Variants in MICU3 observed in about 807,000 individuals in gnomAD.
MICU3 encodes the protein calcium uptake protein 3, mitochondrial.
In MICU3, 62 loss-of-function variants were observed where a neutral mutation model predicts 66.5. That is an observed-to-expected ratio of 0.93 (90% CI 0.76 to 1.15). The LOEUF (loss-of-function observed/expected upper bound fraction) is 1.15, where lower values mean the gene tolerates loss of function less well. Ranked by LOEUF, MICU3 falls within the 50% of genes most tolerant of loss-of-function variation. The pLI is 0.00. For missense variants in MICU3, 779 were observed against 664.4 expected, an observed-to-expected ratio of 1.17 and a Z score of -1.90; for synonymous variants, 308 against 240.7, an observed-to-expected ratio of 1.28 and a Z score of -2.59.
At chr8:17,137,388 T>A in the MICU3 span, among the ~76,000 whole-genome samples, 8 of 151,956 alleles carry the variant, frequency 5.3e-5, no homozygotes, top group South Asian at 2.1e-4. Context: ...ATAATTTTTT[T>A]AAATTTTATT....
At chr8:17,114,006 TAA>T in intron 11 of MICU3, 85 bp from the exon 12 acceptor site, 1 of 768,174 alleles carries the variant, frequency 1.3e-6, no homozygotes, top group Non-Finnish European at 2.1e-6. Context: ...TGCAAATGCT[TAA>T]TCTGTTTTTT....
chr8:17,129,161 G>A, the MICU3 span, among the ~76,000 whole-genome samples: 1 of 152,114 alleles, frequency 6.6e-6, no homozygotes, highest in Non-Finnish European at 1.5e-5. Flanking sequence ...TATCAGTACC[G>A]CAGCTACCTG....
rs777059323 is a variant in MICU3, at chr8:17,086,976, T to C, written c.790T>C (p.Phe264Leu). 6.2e-7 allele frequency: 1 copy of C among 1,602,186 alleles called. No individual in the cohort carries two copies. Among genetic ancestry groups the C allele is most frequent in the South Asian group, 1.1e-5 (1 of 90,722 alleles). The change falls in exon 7 of 15, where the codon TTC becomes CTC. Residue 264 changes from phenylalanine (F) to leucine (L), a missense_variant. Physicochemically the swap from Phe to Leu is conservative, Grantham distance 22 (BLOSUM62 0). Transcript: ENST00000318063. ...KKEFLVLQEI[F>L]RKKNEKREIK... Reference sequence around the variant, plus strand: ...ATTTCTTTGTCAGCTTCAAGAGATATTCAGGAAAAAAAATGAAAAGAGAGA... The same window carrying C: ...ATTTCTTTGTCAGCTTCAAGAGATACTCAGGAAAAAAAATGAAAAGAGAGA...
chr8:17,130,594 T>C, the MICU3 span, among the ~76,000 whole-genome samples: 6 of 152,300 alleles, frequency 3.9e-5, no homozygotes, highest in South Asian at 1.2e-3. Flanking sequence ...ATTAAATTAT[T>C]TGGTAATATC....
At chr8:17,134,681 T>C in the MICU3 span, among the ~76,000 whole-genome samples, 3 of 152,156 alleles carry the variant, frequency 2.0e-5, no homozygotes, top group Admixed American at 2.0e-4. Context: ...CCTGACCTCG[T>C]GATCCGCCCG....
intron 5 of MICU3, among the ~76,000 whole-genome samples, chr8:17,083,593 T>C (rs1371685947): frequency 6.6e-6 from 1 of 152,154 alleles, no homozygotes; most frequent in Non-Finnish European, 1.5e-5. Flanking sequence ...TAGTCAGATC[T>C]CTTTCACTGT....
chr8:17,028,335 G>C (rs1360997564), intron 1 of MICU3, among the ~76,000 whole-genome samples: 1 of 152,182 alleles, frequency 6.6e-6, no homozygotes, highest in African/African-American at 2.4e-5. Context: ...AGGAGGCTGT[G>C]AATGACACAA....
At chr8:17,113,402 C>G (rs144199598) in intron 11 of MICU3, among the ~76,000 whole-genome samples, 55 of 152,352 alleles carry the variant, frequency 3.6e-4, no homozygotes, top group African/African-American at 1.2e-3. Context: ...CCCTATTCAA[C>G]TGAAGTAACA....
At chr8:17,063,981 T>G in intron 1 of MICU3, 103 bp from the exon 2 acceptor site, 1 of 724,634 alleles carries the variant, frequency 1.4e-6, no homozygotes, top group Non-Finnish European at 2.1e-6. Context: ...TTTTCACACT[T>G]CCTCATTTAC....
At chr8:17,108,540 AT>A (rs1253327044) in intron 11 of MICU3, among the ~76,000 whole-genome samples, 2 of 152,156 alleles carry the variant, frequency 1.3e-5, no homozygotes, top group African/African-American at 4.8e-5. Flanking sequence ...TGTGGCCAAA[AT>A]TTTGGACTCC....
chr8:17,091,010 T>C (rs941730633), intron 8 of MICU3, among the ~76,000 whole-genome samples: 3 of 152,080 alleles, frequency 2.0e-5, no homozygotes, highest in Non-Finnish European at 2.9e-5. Context: ...GATAGACTTT[T>C]TTTCATTTTC....
chr8:17,131,718 A>G, the MICU3 span: 2 of 152,352 alleles, frequency 1.3e-5, no homozygotes, highest in East Asian at 1.9e-4. Context: ...AGTGTGCCCT[A>G]CAACAGCCTA....
At chr8:17,053,860 A>T (rs901655869) in intron 1 of MICU3, among the ~76,000 whole-genome samples, 2 of 152,226 alleles carry the variant, frequency 1.3e-5, no homozygotes, top group African/African-American at 4.8e-5. Context: ...GGCAATTCCC[A>T]TAAAATAATT....
chr8:17,059,745 A>T (rs1481835039), intron 1 of MICU3, among the ~76,000 whole-genome samples: 1 of 152,188 alleles, frequency 6.6e-6, no homozygotes, highest in African/African-American at 2.4e-5. Flanking sequence ...AATTCAAATT[A>T]CACAGAAATT....
the MICU3 span, chr8:17,132,174 T>G: frequency 6.6e-6 from 1 of 152,188 alleles, no homozygotes; most frequent in Non-Finnish European, 1.5e-5. Flanking sequence ...TATAAAATTT[T>G]TGTTAATAGA....
chr8:17,107,609 T>C (rs1319457733), intron 11 of MICU3, among the ~76,000 whole-genome samples: 2 of 152,132 alleles, frequency 1.3e-5, no homozygotes, highest in Non-Finnish European at 2.9e-5. Context: ...GTAAGTAAAA[T>C]TGTATTGGAA....
At chr8:17,042,278 G>A (rs1267400098) in intron 1 of MICU3, among the ~76,000 whole-genome samples, 1 of 152,124 alleles carries the variant, frequency 6.6e-6, no homozygotes, top group Non-Finnish European at 1.5e-5. Flanking sequence ...AAACTTGATA[G>A]ACAAGTTTTA....
chr8:17,042,091 A>G (rs962496790), intron 1 of MICU3, among the ~76,000 whole-genome samples: 1 of 152,204 alleles, frequency 6.6e-6, no homozygotes, highest in African/African-American at 2.4e-5. Flanking sequence ...CAGTTTTTTC[A>G]TGGTCACAAC....
chr8:17,075,021 G>A (rs1393162061), intron 3 of MICU3, among the ~76,000 whole-genome samples: 1 of 151,960 alleles, frequency 6.6e-6, no homozygotes, highest in African/African-American at 2.4e-5. Flanking sequence ...CTCCCCTCAG[G>A]TTTAATGATT....
Sources: allele counts gnomAD v4.1 joint callset (sites outside exome capture counted in the v4.1 genomes callset), GRCh38; gene constraint gnomAD v4.1.1; transcripts MANE v1.5; gene names NCBI Gene and HGNC (gene_info 2026-07-23, HGNC 2026-07-21).